Variants in CSMD1 observed in about 807,000 individuals in gnomAD.
The protein encoded by CSMD1 is CUB and Sushi multiple domains 1, also known as CUB and sushi domain-containing protein 1.
CSMD1 carries 213 observed loss-of-function variants against 417.5 expected under a neutral mutation model. The observed-to-expected ratio is 0.51, with a 90% confidence interval of 0.46 to 0.57. CSMD1 has a LOEUF of 0.57. Among genes scored for constraint, CSMD1 ranks in the 20% least tolerant of loss-of-function variants. The probability of loss-of-function intolerance (pLI) is 0.00; values close to 1 mark genes in which losing one functional copy is unlikely to be tolerated. For synonymous variants in CSMD1, 2,862 were observed against 1,736.8 expected, an observed-to-expected ratio of 1.65 and a Z score of -16.11; for missense variants, 6,923 against 4,529.7, an observed-to-expected ratio of 1.53 and a Z score of -15.17.
chr8:3,255,778 T>G (rs895406859), intron 26 of CSMD1, among the ~76,000 whole-genome samples: 38 of 152,162 alleles, frequency 2.5e-4, no homozygotes, highest in African/African-American at 9.2e-4. Flanking sequence ...ACACTTTCTT[T>G]GACTAGAAAG....
intron 5 of CSMD1, among the ~76,000 whole-genome samples, chr8:3,846,179 T>A (rs1053713451): frequency 3.3e-5 from 5 of 152,208 alleles, no homozygotes; most frequent in African/African-American, 1.2e-4. Context: ...CATAAGTGTA[T>A]GTGCTAGGCT....
intron 1 of CSMD1, among the ~76,000 whole-genome samples, chr8:4,719,885 C>T (rs1808939689): frequency 6.6e-6 from 1 of 152,048 alleles, no homozygotes; most frequent in South Asian, 2.1e-4. Flanking sequence ...ATGCAGGGCT[C>T]ACATATCTAT....
intron 17 of CSMD1, among the ~76,000 whole-genome samples, chr8:3,389,731 AAG>A (rs1811233547): frequency 6.6e-6 from 1 of 152,190 alleles, no homozygotes; most frequent in South Asian, 2.1e-4. Context: ...TTACAGTGAA[AAG>A]AGACAAACTG....
chr8:4,133,110 G>A (rs1227339908), intron 3 of CSMD1, among the ~76,000 whole-genome samples: 1 of 151,956 alleles, frequency 6.6e-6, no homozygotes, highest in Non-Finnish European at 1.5e-5. Context: ...TAATTTTTCT[G>A]TATTTTTAGT....
At position 4,656,549 on chromosome 8, in the gene CSMD1, C is replaced by T. The variant is rs1804245475; in HGVS notation, c.86-18991G>A. 2.0e-5 allele frequency among the ~76,000 whole-genome samples: 3 copies of T among 151,856 alleles called. No individual in the cohort carries two copies. In the South Asian group the frequency reaches 6.2e-4, roughly 31 times the overall value. On this transcript the variant is annotated intron_variant, in intron 1 of 69. Coordinates refer to ENST00000635120, the MANE Select transcript of CSMD1 (RefSeq NM_033225.6). ...ACTTTGGGTTTGTTCAAATCTGATG[C>T]CATATTCAACTTGCAAATACGATTG...
At chr8:4,719,608 G>C (rs776123856) in intron 1 of CSMD1, among the ~76,000 whole-genome samples, 1 of 151,660 alleles carries the variant, frequency 6.6e-6, no homozygotes, top group Non-Finnish European at 1.5e-5. Context: ...GGATGGTAAG[G>C]TCAATAAAAA....
At chr8:3,353,335 G>C (rs995921755) in intron 21 of CSMD1, among the ~76,000 whole-genome samples, 21 of 152,242 alleles carry the variant, frequency 1.4e-4, no homozygotes, top group African/African-American at 4.3e-4. Flanking sequence ...GAATTCTTGC[G>C]GAAGCTTCTT....
intron 2 of CSMD1, among the ~76,000 whole-genome samples, chr8:4,455,549 T>C (rs1019564276): frequency 1.3e-5 from 2 of 152,156 alleles, no homozygotes; most frequent in African/African-American, 4.8e-5. Flanking sequence ...CCTCACTTTA[T>C]AGAATATGAC....
chr8:3,197,468 T>G (rs923650071), intron 33 of CSMD1, among the ~76,000 whole-genome samples: 1 of 146,656 alleles, frequency 6.8e-6, no homozygotes, highest in African/African-American at 2.6e-5. Context: ...AATAATTTTT[T>G]TTTTTTTTTT....
At chr8:3,194,744 A>G (rs920906379) in intron 33 of CSMD1, among the ~76,000 whole-genome samples, 3 of 151,812 alleles carry the variant, frequency 2.0e-5, no homozygotes, top group African/African-American at 7.3e-5. Context: ...TGCTAGGATT[A>G]TAGGCATGAG....
At chr8:4,493,296 A>AAG (rs997223573) in intron 2 of CSMD1, among the ~76,000 whole-genome samples, 1 of 152,046 alleles carries the variant, frequency 6.6e-6, no homozygotes, top group Non-Finnish European at 1.5e-5. Context: ...TTAAAATCCT[A>AAG]AGAGAGAGAG....
At chr8:4,561,284 G>T (rs887151492) in intron 2 of CSMD1, among the ~76,000 whole-genome samples, 3 of 152,174 alleles carry the variant, frequency 2.0e-5, no homozygotes, top group African/African-American at 7.2e-5. Flanking sequence ...TGAGGCAGGG[G>T]AATCGTTTGA....
intron 54 of CSMD1, among the ~76,000 whole-genome samples, chr8:2,980,649 G>C (rs1262268437): frequency 6.6e-6 from 1 of 152,048 alleles, no homozygotes; most frequent in Non-Finnish European, 1.5e-5. Context: ...ACCACGGCTG[G>C]TGAAGGGGAA....
intron 3 of CSMD1, among the ~76,000 whole-genome samples, chr8:4,345,375 C>G (rs1206805680): frequency 6.6e-6 from 1 of 152,046 alleles, no homozygotes; most frequent in Non-Finnish European, 1.5e-5. Flanking sequence ...TGTAATTATA[C>G]ACACTTATGC....
intron 1 of CSMD1, among the ~76,000 whole-genome samples, chr8:4,738,848 G>T (rs922841986): frequency 1.3e-5 from 2 of 151,204 alleles, no homozygotes; most frequent in South Asian, 2.1e-4. Context: ...AAATACACAG[G>T]TTGCTTATTT....
rs951543627 is a variant in CSMD1, at chr8:3,629,348, T to A, written c.1010-12551A>T. Among the ~76,000 whole-genome samples, 5 of 152,296 alleles carry A rather than the reference T, an allele frequency of 3.3e-5. No homozygotes were observed. In the East Asian group the frequency reaches 7.7e-4, roughly 24 times the overall value. The stretch of plus-strand genomic sequence containing the variant: ...CTGATGCATTCAGCTGACATTCAGA[T>A]ACAGCGTCCTCCATTATTTATATGT... On this transcript the variant is annotated intron_variant, in intron 7 of 69. Coordinates refer to ENST00000635120, the MANE Select transcript of CSMD1 (RefSeq NM_033225.6).
chr8:3,448,242 A>G (rs1452789071), intron 12 of CSMD1, among the ~76,000 whole-genome samples: 1 of 140,554 alleles, frequency 7.1e-6, no homozygotes, highest in Non-Finnish European at 1.5e-5. Context: ...AAGGGAGAAG[A>G]GGATTGATCT....
intron 49 of CSMD1, among the ~76,000 whole-genome samples, chr8:3,082,185 C>A (rs1814151268): frequency 6.6e-6 from 1 of 152,156 alleles, no homozygotes; most frequent in Admixed American, 6.5e-5. Context: ...TTGCTATAAC[C>A]CACTAAGAAT....
At chr8:3,497,833 G>A (rs997017693) in intron 10 of CSMD1, among the ~76,000 whole-genome samples, 2 of 152,132 alleles carry the variant, frequency 1.3e-5, no homozygotes, top group African/African-American at 4.8e-5. Context: ...TGGTTTGGTG[G>A]TTTTCTGTAG....
Sources: gnomAD v4.1 joint callset for allele counts (sites outside exome capture counted in the v4.1 genomes callset) on GRCh38, gnomAD v4.1.1 for gene constraint, MANE v1.5 for transcripts, NCBI Gene and HGNC (gene_info 2026-07-23, HGNC 2026-07-21) for gene names.